The following ABCA6 variants were observed in gnomAD, a reference collection of about 807,000 sequenced individuals.
The protein encoded by ABCA6 is ATP binding cassette subfamily A member 6.
In ABCA6, 164 loss-of-function variants were observed where a neutral mutation model predicts 191.2. The ratio of observed to expected loss-of-function variants is 0.86; its 90% confidence interval spans 0.76 to 0.98. The LOEUF is 0.98. Among genes scored for constraint, ABCA6 ranks in the 50% least tolerant of loss-of-function variants. The pLI is 0.00. For missense variants in ABCA6, 1,958 were observed against 1,894.1 expected, an observed-to-expected ratio of 1.03 and a Z score of -0.63; for synonymous variants, 636 against 647.7, an observed-to-expected ratio of 0.98 and a Z score of 0.27.
Position 69,136,141 on chromosome 17 carries a change from T to TAAC in ABCA6, c.408_410dup (p.Leu137dup), listed in dbSNP as rs751181253. 1 of 1,609,254 alleles carries TAAC rather than the reference T, an allele frequency of 6.2e-7. No individual in the cohort carries two copies. Among genetic ancestry groups the TAAC allele is most frequent in the Admixed American group, 1.7e-5 (1 of 59,554 alleles). ...GACTGTTATATCCCTGGAAAAATAT[T>TAAC]AACTTATAAGAGAAAGTTTCATTAA... On this transcript the variant is annotated inframe_insertion, in exon 4 of 39. Transcript: ENST00000284425.
chr17:69,112,065 T>C, intron 16 of ABCA6, 118 bp downstream of exon 16: 3 of 720,100 alleles, frequency 4.2e-6, no homozygotes, highest in Non-Finnish European at 7.2e-6. Flanking sequence ...CAGGAAACAC[T>C]GATCAATCCA....
At position 69,081,113 on chromosome 17, in the gene ABCA6, A is replaced by G; in HGVS notation, c.4649T>C (p.Val1550Ala). The change falls in exon 37 of 39, where the codon GTG (valine) becomes GCG (alanine). Residue 1550 changes from valine to alanine, a missense_variant. Physicochemically the swap from Val to Ala is moderately conservative, Grantham distance 64. Transcript: ENST00000284425. ...CTGTGATAGAGGGTAAACGTCTGCC[A>G]CGGGCAGCTTATAGGTTAACAAAGA... ...YSSLLTYKLP[V>A]ADVYPLSQTF... The G allele has an allele frequency of 6.2e-7, 1 of 1,604,844 alleles. No homozygotes were observed.
rs117406864 is a variant in ABCA6, at chr17:69,111,770, T to C, written c.2132+413A>G. ...ACTTTTTTGTTAGCCACAGTTATCA[T>C]TACTTTCTGCCCCTAGATTCTCTCC... On this transcript the variant is annotated intron_variant, in intron 16 of 38. Transcript: ENST00000284425. The C allele has an allele frequency of 7.6e-3, 1,244 of 164,036 alleles. 12 individuals carry two copies. Among genetic ancestry groups the C allele is most frequent in the Middle Eastern group, 0.02 (7 of 348 alleles). 10.2% of individuals were successfully genotyped at this position (164,036 alleles called of 1,614,324 possible). A position where few individuals can be genotyped will look rare whatever the true frequency, so the allele number is the denominator to read the frequency against.
chr17:69,079,442 C>T (rs929194131), intron 37 of ABCA6, among the ~76,000 whole-genome samples, 177 bp from the exon 38 acceptor site: 3 of 152,014 alleles, frequency 2.0e-5, no homozygotes, highest in Non-Finnish European at 2.9e-5. Context: ...TAAATATATA[C>T]TATGTTAATA....
chr17:69,090,901 T>C (rs2144623993), intron 26 of ABCA6, among the ~76,000 whole-genome samples: 1 of 152,312 alleles, frequency 6.6e-6, no homozygotes, highest in Non-Finnish European at 1.5e-5. Context: ...AGATTTAATT[T>C]TGCATCTGAT....
intron 2 of ABCA6, among the ~76,000 whole-genome samples, chr17:69,138,069 T>C (rs963825827): frequency 6.6e-6 from 1 of 152,202 alleles, no homozygotes; most frequent in African/African-American, 2.4e-5. Flanking sequence ...TGATATGCAC[T>C]ACTTCCAGGC....
rs1268127816 is a variant in ABCA6, at chr17:69,133,666, T to C, written c.766A>G (p.Met256Val). 6.2e-7 allele frequency: 1 copy of C among 1,601,910 alleles called. No homozygotes were observed. Among genetic ancestry groups the C allele is most frequent in the Admixed American group, 1.7e-5 (1 of 59,450 alleles). Residue 256 changes from methionine (M) to valine (V), a missense_variant, in exon 6 of 39, where the codon ATG becomes GTG. By Grantham distance (21) the Met-to-Val change is conservative. Coordinates refer to ENST00000284425, the MANE Select transcript of ABCA6 (RefSeq NM_080284.3). ...CAGAATGCTGAATCTTGGAGACCCATCATTTTCATCAAATTCTTAGACTTT... is the reference window on the plus strand; with the variant it reads ...CAGAATGCTGAATCTTGGAGACCCACCATTTTCATCAAATTCTTAGACTTT... Reference protein sequence around the residue: ...RKKSKNLMKMMGLQDSAFWLS... With the variant: ...RKKSKNLMKMVGLQDSAFWLS...
intron 20 of ABCA6, 77 bp downstream of exon 20, chr17:69,105,385 T>A: frequency 7.3e-7 from 1 of 1,362,670 alleles, no homozygotes; most frequent in Non-Finnish European, 9.9e-7. Context: ...TATGATTCAC[T>A]TCCCCCCCCC....
intron 29 of ABCA6, 71 bp from the exon 30 acceptor site, chr17:69,086,806 G>T: frequency 1.0e-6 from 1 of 1,003,870 alleles, no homozygotes; most frequent in Non-Finnish European, 1.5e-6. Context: ...AACCTTTCAT[G>T]CCTTATGTCA....
Position 69,128,728 on chromosome 17 carries a change from A to C in ABCA6, c.1010T>G (p.Leu337Arg), listed in dbSNP as rs1283939600. Residue 337 changes from leucine to arginine, a missense_variant, in exon 8 of 39, where the codon CTC becomes CGC. By Grantham distance (102) the Leu-to-Arg change is moderately radical. Transcript: ENST00000284425. ...AGTGAATCCCAGACATCCCCAAAAG[A>C]GGGTAAGGAGAAACACAACCAAATT... ...LTNLVVFLLT[L>R]FWGCLGFTVF... 3.1e-6 allele frequency: 5 copies of C among 1,612,952 alleles called. No homozygotes were observed. Among genetic ancestry groups the C allele is most frequent in the Non-Finnish European group, 3.4e-6 (4 of 1,179,372 alleles).
At chr17:69,097,884 T>C (rs757254643) in intron 23 of ABCA6, 36 bp downstream of exon 23, 9 of 1,465,378 alleles carry the variant, frequency 6.1e-6, no homozygotes, top group South Asian at 1.3e-5. Context: ...GATATTGAAA[T>C]TCCTGAAATT....
intron 20 of ABCA6, among the ~76,000 whole-genome samples, chr17:69,103,403 AAC>A (rs911347727): frequency 3.3e-5 from 5 of 152,332 alleles, no homozygotes; most frequent in African/African-American, 7.2e-5. Context: ...GTGTCTGTAT[AAC>A]ACATACATAT....
intron 6 of ABCA6, 53 bp downstream of exon 6, chr17:69,133,587 CT>C: frequency 7.7e-7 from 1 of 1,304,538 alleles, no homozygotes; most frequent in Non-Finnish European, 1.1e-6. Flanking sequence ...CACTTTTTCA[CT>C]GCTTCTTAAT....
chr17:69,114,640 G>T, intron 13 of ABCA6, 122 bp downstream of exon 13: 1 of 906,872 alleles, frequency 1.1e-6, no homozygotes, highest in Non-Finnish European at 1.6e-6. Context: ...TATTTGTTAT[G>T]GGACCTCTTT....
intron 22 of ABCA6, 125 bp from the exon 23 acceptor site, chr17:69,098,152 T>G (rs2073092255): frequency 3.5e-6 from 2 of 574,062 alleles, no homozygotes; most frequent in Non-Finnish European, 5.5e-6. Flanking sequence ...CATTACCATC[T>G]AGGCACGAAG....
chr17:69,118,043 G>T, intron 10 of ABCA6, 87 bp from the exon 11 acceptor site: 2 of 838,062 alleles, frequency 2.4e-6, no homozygotes, highest in Non-Finnish European at 3.8e-6. Context: ...AGTGATAACT[G>T]CAGCCAACCA....
rs757166406 is a variant in ABCA6 at position 69,113,327 on chromosome 17, C to G, written c.1936G>C (p.Asp646His). The G allele has an allele frequency of 1.9e-6, 3 of 1,592,926 alleles. No individual in the cohort carries two copies. Among genetic ancestry groups the G allele is most frequent in the Non-Finnish European group, 2.6e-6 (3 of 1,174,944 alleles). ...LLLDEPTTGLDPFSRDQVWSL... is the reference protein window; with the variant it reads ...LLLDEPTTGLHPFSRDQVWSL... ...CACACTTGATCTCTGGAAAAGGGATCCAATCCAGTAGTTGGTTCATCTAAA... is the reference window on the plus strand; with the variant it reads ...CACACTTGATCTCTGGAAAAGGGATGCAATCCAGTAGTTGGTTCATCTAAA... The change falls in exon 15 of 39, where the codon GAT (aspartate) becomes CAT (histidine). Residue 646 changes from aspartate (D) to histidine (H), a missense_variant. Physicochemically the swap from Asp to His is moderately conservative, Grantham distance 81. Transcript: ENST00000284425.
chr17:69,134,830 G>C (rs985367982), intron 4 of ABCA6, 88 bp from the exon 5 acceptor site: 2 of 866,906 alleles, frequency 2.3e-6, no homozygotes, highest in African/African-American at 3.5e-5. Flanking sequence ...AAACAATCTA[G>C]AGGAGACTCT....
intron 13 of ABCA6, among the ~76,000 whole-genome samples, chr17:69,114,091 G>T (rs2073487082): frequency 6.6e-6 from 1 of 152,084 alleles, no homozygotes; most frequent in African/African-American, 2.4e-5. Context: ...TATAAATCAT[G>T]CTGCTATAAA....
Sources: gnomAD v4.1 joint callset for allele counts (sites outside exome capture counted in the v4.1 genomes callset) on GRCh38, gnomAD v4.1.1 for gene constraint, MANE v1.5 for transcripts, NCBI Gene and HGNC (gene_info 2026-07-23, HGNC 2026-07-21) for gene names.